The following SORCS2 variants were observed in gnomAD, a reference collection of about 807,000 sequenced individuals.
SORCS2 encodes the protein sortilin related VPS10 domain containing receptor 2.
Under a neutral mutation model 141.6 loss-of-function variants are expected in SORCS2, and 100 were observed. The observed-to-expected ratio is 0.71, with a 90% CI of 0.60 to 0.83. The LOEUF (loss-of-function observed/expected upper bound fraction) is 0.83, where lower values mean the gene tolerates loss of function less well. Among genes scored for constraint, SORCS2 ranks in the 40% least tolerant of loss-of-function variants. The probability of loss-of-function intolerance (pLI) is 0.00; values close to 1 mark genes in which losing one functional copy is unlikely to be tolerated. For missense variants in SORCS2, 1,646 were observed against 1,560.2 expected (o/e 1.05, Z -0.93); for synonymous variants, 789 against 676.9 (o/e 1.17, Z -2.57).
At chr4:7,494,579 GCCCT>G (rs1326161015) in intron 2 of SORCS2, among the ~76,000 whole-genome samples, 1 of 152,142 alleles carries the variant, frequency 6.6e-6, no homozygotes, top group Non-Finnish European at 1.5e-5. Context: ...TTGGACCAGG[GCCCT>G]ACCCTCATGA....
intron 4 of SORCS2, among the ~76,000 whole-genome samples, chr4:7,653,737 C>G (rs1289468500): frequency 3.9e-5 from 6 of 152,222 alleles, no homozygotes; most frequent in Non-Finnish European, 8.8e-5. Flanking sequence ...CTCGAGGCCA[C>G]TGCTGTGTCC....
intron 8 of SORCS2, among the ~76,000 whole-genome samples, chr4:7,674,684 G>A (rs1315473016): frequency 2.0e-5 from 3 of 151,832 alleles, no homozygotes; most frequent in Non-Finnish European, 4.4e-5. Flanking sequence ...GAAGGGGCCG[G>A]GCCTCAGCGT....
At chr4:7,607,386 GT>G (rs1292878015) in intron 3 of SORCS2, among the ~76,000 whole-genome samples, 2 of 152,078 alleles carry the variant, frequency 1.3e-5, no homozygotes, top group Non-Finnish European at 2.9e-5. Context: ...GGGAATTTTT[GT>G]TCTGCAGCCT....
At chr4:7,446,086 C>A (rs1397280988) in intron 2 of SORCS2, among the ~76,000 whole-genome samples, 1 of 151,004 alleles carries the variant, frequency 6.6e-6, no homozygotes, top group Non-Finnish European at 1.5e-5. Context: ...CCTGTCTTCT[C>A]TTCTTTTCCC....
intron 3 of SORCS2, among the ~76,000 whole-genome samples, chr4:7,623,389 G>A (rs140126361): frequency 3.4e-3 from 522 of 152,084 alleles, no homozygotes; most frequent in African/African-American, 0.012. Flanking sequence ...TTGAGCTCTC[G>A]GTGGCTGGCC....
intron 19 of SORCS2, among the ~76,000 whole-genome samples, 174 bp from the exon 20 acceptor site, chr4:7,724,978 TGG>T (rs2148883410): frequency 7.4e-6 from 1 of 134,280 alleles, no homozygotes; most frequent in Non-Finnish European, 1.6e-5. Flanking sequence ...ATAGTGTTGG[TGG>T]GAATGGATGG....
Position 7,695,752 on chromosome 4 carries a change from A to G in SORCS2, c.1592-1446A>G, listed in dbSNP as rs867876234. ...GATGGATTGGTGGGTGGATGGATGG[A>G]TGGATGGATGGATGGATGGATGGAT... is the stretch of plus-strand genomic sequence containing the variant. On this transcript the variant is annotated intron_variant, in intron 11 of 26. Transcript: ENST00000507866. Among the ~76,000 whole-genome samples, 16 of 2,634 alleles carry G rather than the reference A, an allele frequency of 6.1e-3. 2 individuals are homozygous for G. Among genetic ancestry groups the G allele is most frequent in the African/African-American group, 0.011 (10 of 876 alleles). 1.7% of individuals were successfully genotyped at this position (2,634 alleles called of 152,430 possible).
chr4:7,281,753 T>A (rs1715900477), intron 1 of SORCS2, among the ~76,000 whole-genome samples: 1 of 152,188 alleles, frequency 6.6e-6, no homozygotes, highest in Non-Finnish European at 1.5e-5. Context: ...CTCTTTCCTC[T>A]CACCTCCTGC....
At chr4:7,684,191 C>T (rs140805618) in intron 10 of SORCS2, among the ~76,000 whole-genome samples, 99 of 152,290 alleles carry the variant, frequency 6.5e-4, no homozygotes, top group African/African-American at 1.9e-3. Context: ...GTGTTAGAGC[C>T]GCACAGAGCT....
intron 1 of SORCS2, among the ~76,000 whole-genome samples, chr4:7,239,425 G>A (rs1032079165): frequency 3.3e-5 from 5 of 152,246 alleles, no homozygotes; most frequent in Non-Finnish European, 5.9e-5. Context: ...CAATAACCAC[G>A]CTCAGCGGCC....
chr4:7,643,756 G>T (rs1720882303), intron 4 of SORCS2, among the ~76,000 whole-genome samples: 1 of 152,180 alleles, frequency 6.6e-6, no homozygotes, highest in Non-Finnish European at 1.5e-5. Flanking sequence ...GAAATTGCTG[G>T]CAGTGGGTGT....
At chr4:7,298,617 C>T (rs1219629373) in intron 1 of SORCS2, among the ~76,000 whole-genome samples, 11 of 152,150 alleles carry the variant, frequency 7.2e-5, no homozygotes, top group Admixed American at 5.2e-4. Context: ...CCCACGGTGA[C>T]GGGAGAGGGC....
At chr4:7,500,434 T>C (rs1731893911) in intron 2 of SORCS2, among the ~76,000 whole-genome samples, 1 of 152,100 alleles carries the variant, frequency 6.6e-6, no homozygotes, top group Non-Finnish European at 1.5e-5. Context: ...TCTGTCCTAA[T>C]GTCCTGCTTT....
chr4:7,543,961 C>CATCT (rs1713022097), intron 3 of SORCS2, among the ~76,000 whole-genome samples: 2 of 120,012 alleles, frequency 1.7e-5, no homozygotes, highest in Non-Finnish European at 3.7e-5. Context: ...TCCATCCATC[C>CATCT]ATCCATCCAT....
In SORCS2 at chr4:7,683,458, C is replaced by T. The variant is rs192357732; in HGVS notation, c.1488+569C>T. On this transcript the variant is annotated intron_variant, in intron 10 of 26. Transcript: ENST00000507866. ...GGGCTTGCTCATGTCAGGGAATGGA[C>T]TGATTTAGGCTGGTCTCTGCTCTGC... Among the ~76,000 whole-genome samples the T allele has an allele frequency of 1.8e-3, 274 of 152,198 alleles. 1 individual carries two copies. The highest frequency in any genetic ancestry group is 6.2e-3 in the African/African-American group (257 of 41,512).
At chr4:7,265,274 C>T (rs748034572) in intron 1 of SORCS2, among the ~76,000 whole-genome samples, 11 of 152,086 alleles carry the variant, frequency 7.2e-5, no homozygotes, top group East Asian at 3.9e-4. Context: ...AGGTGGATCA[C>T]GAGGTCAAGA....
chr4:7,468,470 A>G (rs762862726), intron 2 of SORCS2, among the ~76,000 whole-genome samples: 7 of 152,244 alleles, frequency 4.6e-5, no homozygotes, highest in Non-Finnish European at 1.0e-4. Flanking sequence ...CTGAAAAAAG[A>G]TGTGTGCATA....
chr4:7,326,152 C>A (rs571707071), intron 1 of SORCS2, among the ~76,000 whole-genome samples: 1 of 152,010 alleles, frequency 6.6e-6, no homozygotes, highest in African/African-American at 2.4e-5. Flanking sequence ...AGGGGTTTGA[C>A]CACATCACAA....
Position 7,355,182 on chromosome 4 carries a change from G to A in SORCS2, c.481-41106G>A, listed in dbSNP as rs1490685212. Reference sequence around the variant, plus strand: ...GCCTGAATCACCACTCTGTCCTCACGAGCTGGAGCCCAGGCACCAGCACCA... The same window carrying A: ...GCCTGAATCACCACTCTGTCCTCACAAGCTGGAGCCCAGGCACCAGCACCA... On this transcript the variant is annotated intron_variant, in intron 1 of 26. Coordinates refer to ENST00000507866, the MANE Select transcript of SORCS2 (RefSeq NM_020777.3). 5.3e-5 allele frequency among the ~76,000 whole-genome samples: 8 copies of A among 152,000 alleles called. No homozygotes were observed. In the East Asian group the frequency reaches 1.4e-3, roughly 26 times the overall value.
Sources: allele counts gnomAD v4.1 joint callset (sites outside exome capture counted in the v4.1 genomes callset), GRCh38; gene constraint gnomAD v4.1.1; transcripts MANE v1.5; gene names NCBI Gene and HGNC (gene_info 2026-07-23, HGNC 2026-07-21).